INTS4: variants seen among roughly 807,000 people sequenced by gnomAD.
INTS4 encodes the protein MSTP093.
A neutral mutation model predicts 119.5 loss-of-function variants in INTS4; 70 were observed. That is an observed-to-expected ratio of 0.59 (90% confidence interval 0.48 to 0.71). The LOEUF is 0.71. INTS4 is among the 30% of genes least tolerant of loss of function. The pLI is 0.00. For synonymous variants in INTS4, 316 were observed against 419.6 expected, an observed-to-expected ratio of 0.75 and a Z score of 3.02; for missense variants, 867 against 1,173.2, an observed-to-expected ratio of 0.74 and a Z score of 3.81.
chr11:77,935,470 G>A (rs61487443), intron 10 of INTS4, among the ~76,000 whole-genome samples: 19,954 of 152,002 alleles, frequency 0.13, 1,508 homozygotes, highest in East Asian at 0.26. Flanking sequence ...GCAGATGGTC[G>A]CCTCAAGTCT....
At chr11:77,890,932 C>A (rs1393246469) in intron 21 of INTS4, among the ~76,000 whole-genome samples, 3 of 152,166 alleles carry the variant, frequency 2.0e-5, no homozygotes, top group Admixed American at 1.3e-4. Context: ...TATCTGCCAG[C>A]CGACTGACTC....
At chr11:77,993,952 A>T (rs1361935928) in intron 1 of INTS4, among the ~76,000 whole-genome samples, 1 of 150,844 alleles carries the variant, frequency 6.6e-6, no homozygotes, top group East Asian at 2.0e-4. Context: ...GTGGAGACAC[A>T]TGGAGCATCA....
intron 8 of INTS4, among the ~76,000 whole-genome samples, chr11:77,945,961 G>C (rs1039897682): frequency 3.3e-5 from 5 of 152,192 alleles, no homozygotes; most frequent in African/African-American, 9.7e-5. Context: ...CAGCCAACCA[G>C]GCAGTAGCCC....
intron 18 of INTS4, among the ~76,000 whole-genome samples, chr11:77,896,803 T>C (rs1952543701): frequency 6.8e-6 from 1 of 147,482 alleles, no homozygotes; most frequent in African/African-American, 2.5e-5. Flanking sequence ...AAAGAAATAA[T>C]GGAGGAAAAA....
At chr11:77,953,714 G>A (rs1954250940) in intron 8 of INTS4, among the ~76,000 whole-genome samples, 1 of 152,068 alleles carries the variant, frequency 6.6e-6, no homozygotes, top group Non-Finnish European at 1.5e-5. Flanking sequence ...CTCCAGAATA[G>A]CTGGGACTAC....
At position 77,907,748 on chromosome 11, in the gene INTS4, G is replaced by A; in HGVS notation, c.1985C>T (p.Thr662Ile). 6.2e-7 allele frequency: 1 copy of A among 1,613,826 alleles called. No homozygotes were observed. Among genetic ancestry groups the A allele is most frequent in the Middle Eastern group, 1.7e-4 (1 of 6,060 alleles). Residue 662 changes from threonine to isoleucine, a missense_variant, in exon 16 of 23, where the codon ACC becomes ATC. Transcript: ENST00000534064. ...GAGAAGTAGTTGACAGCGAAGATAGGTGGCAGAGAAATCAGCTACTCCTGC... is the reference window on the plus strand; with the variant it reads ...GAGAAGTAGTTGACAGCGAAGATAGATGGCAGAGAAATCAGCTACTCCTGC... ...ELAGVADFSA[T>I]YLRCQLLLIK...
intron 16 of INTS4, among the ~76,000 whole-genome samples, chr11:77,905,365 G>A (rs1169970129): frequency 6.6e-6 from 1 of 151,840 alleles, no homozygotes; most frequent in Admixed American, 6.6e-5. Flanking sequence ...ACTGAGACAG[G>A]AGAATTGCTT....
intron 10 of INTS4, among the ~76,000 whole-genome samples, chr11:77,936,179 A>C (rs1953786601): frequency 6.6e-6 from 1 of 152,122 alleles, no homozygotes; most frequent in South Asian, 2.1e-4. Context: ...ACAGGATGGA[A>C]TATATACAGG....
At position 77,921,325 on chromosome 11, in the gene INTS4, A is replaced by G; in HGVS notation, c.1764+15T>C. On this transcript the variant is annotated intron_variant, in intron 14 of 22. Coordinates refer to ENST00000534064, the MANE Select transcript of INTS4 (RefSeq NM_033547.4). Reference sequence around the variant, plus strand: ...TGCAAAATAAAAACAAGGACAACAGATGTTTTCAACATACCCTCAAGGCAG... The same window carrying G: ...TGCAAAATAAAAACAAGGACAACAGGTGTTTTCAACATACCCTCAAGGCAG... The G allele has an allele frequency of 6.2e-7, 1 of 1,610,528 alleles. No individual in the cohort carries two copies. The highest frequency in any genetic ancestry group is 1.1e-5 in the South Asian group (1 of 90,742).
At chr11:77,879,184 G>A in intron 22 of INTS4, 57 bp from the exon 23 acceptor site, 3 of 1,575,948 alleles carry the variant, frequency 1.9e-6, no homozygotes, top group East Asian at 2.2e-5. Flanking sequence ...GAATGAGGAT[G>A]AAATGTGAAG....
Position 77,961,083 on chromosome 11 carries a change from T to A in INTS4, c.527A>T (p.Asn176Ile). The change falls in exon 5 of 23, where the codon AAT becomes ATT. Residue 176 changes from asparagine to isoleucine, a missense_variant. Asn to Ile is a moderately radical substitution (Grantham distance 149). Coordinates refer to ENST00000534064, the MANE Select transcript of INTS4 (RefSeq NM_033547.4). ...GACACTTTTCTCCAAAGAGCCAAGA[T>A]TGCCAAGTAACTGCAGGCACTTATT... ...VRNKCLQLLG[N>I]LGSLEKSVTK... The A allele has an allele frequency of 1.2e-6, 2 of 1,610,874 alleles. No individual in the cohort carries two copies. Among genetic ancestry groups the A allele is most frequent in the South Asian group, 1.1e-5 (1 of 90,938 alleles).
chr11:77,916,981 T>C (rs1287617514), intron 15 of INTS4, among the ~76,000 whole-genome samples: 1 of 152,224 alleles, frequency 6.6e-6, no homozygotes, highest in East Asian at 1.9e-4. Context: ...TGACCTAATA[T>C]AATGGGAAAA....
chr11:77,953,256 GA>G (rs925966277), intron 8 of INTS4, among the ~76,000 whole-genome samples: 4 of 152,102 alleles, frequency 2.6e-5, no homozygotes, highest in African/African-American at 9.7e-5. Context: ...ACTCAAAGGG[GA>G]AGTGTCCAAA....
intron 9 of INTS4, among the ~76,000 whole-genome samples, chr11:77,939,381 T>C (rs563470677): frequency 1.6e-4 from 25 of 152,076 alleles, no homozygotes; most frequent in African/African-American, 5.5e-4. Flanking sequence ...GAGGCGGAGG[T>C]TGCAGTGAGC....
At chr11:77,981,190 C>CAAAAA (rs35194381) in intron 3 of INTS4, among the ~76,000 whole-genome samples, 1 of 88,856 alleles carries the variant, frequency 1.1e-5, no homozygotes, top group Non-Finnish European at 2.3e-5. Flanking sequence ...AACAAACAAG[C>CAAAAA]AAAAAAAAAA....
intron 21 of INTS4, among the ~76,000 whole-genome samples, chr11:77,889,052 T>C (rs944877840): frequency 6.6e-6 from 1 of 152,226 alleles, no homozygotes; most frequent in African/African-American, 2.4e-5. Context: ...AAATACCATT[T>C]GACCCAGTCA....
intron 7 of INTS4, among the ~76,000 whole-genome samples, chr11:77,956,469 G>T (rs1954323949): frequency 6.6e-6 from 1 of 152,112 alleles, no homozygotes; most frequent in Admixed American, 6.6e-5. Flanking sequence ...CACTTTGGGA[G>T]GCTGAGGCAG....
intron 15 of INTS4, among the ~76,000 whole-genome samples, chr11:77,908,246 T>C (rs1336654619): frequency 6.6e-6 from 1 of 152,146 alleles, no homozygotes; most frequent in East Asian, 1.9e-4. Context: ...TTTTTTATTA[T>C]ACTTTAAGTT....
At chr11:77,970,659 T>C (rs1341318875) in intron 4 of INTS4, among the ~76,000 whole-genome samples, 1 of 150,760 alleles carries the variant, frequency 6.6e-6, no homozygotes, top group African/African-American at 2.4e-5. Context: ...CAAAACCCCA[T>C]CTCTACAAAA....
Sources: allele counts gnomAD v4.1 joint callset (sites outside exome capture counted in the v4.1 genomes callset), GRCh38; gene constraint gnomAD v4.1.1; transcripts MANE v1.5; gene names NCBI Gene and HGNC (gene_info 2026-07-23, HGNC 2026-07-21).